Variants in NUP210 observed in about 807,000 individuals in gnomAD.
The protein encoded by NUP210 is nuclear pore membrane glycoprotein 210.
Under a neutral mutation model 196.0 loss-of-function variants are expected in NUP210, and 151 were observed. That is an observed-to-expected ratio of 0.77 (90% CI 0.67 to 0.88). The LOEUF is 0.88. Ranked by LOEUF, NUP210 falls within the 40% of genes least tolerant of loss-of-function variation. The probability of loss-of-function intolerance (pLI) is 0.00; values close to 1 mark genes in which losing one functional copy is unlikely to be tolerated. For synonymous variants in NUP210, 1,070 were observed against 1,052.7 expected, an observed-to-expected ratio of 1.02 and a Z score of -0.32; for missense variants, 2,314 against 2,493.7, an observed-to-expected ratio of 0.93 and a Z score of 1.53.
intron 3 of NUP210, among the ~76,000 whole-genome samples, chr3:13,394,358 A>T (rs543728694): frequency 6.6e-6 from 1 of 152,344 alleles, no homozygotes; most frequent in African/African-American, 2.4e-5. Context: ...TGCTTTTTCC[A>T]CGCAAAAAGA....
intron 1 of NUP210, among the ~76,000 whole-genome samples, chr3:13,411,558 C>T (rs1015580610): frequency 1.3e-5 from 2 of 152,048 alleles, no homozygotes; most frequent in African/African-American, 4.8e-5. Flanking sequence ...TCCCCCCTGT[C>T]ACCACCCCCA....
intron 18 of NUP210, 139 bp from the exon 19 acceptor site, chr3:13,352,323 CCA>C (rs1698007626): frequency 1.6e-6 from 1 of 629,304 alleles, no homozygotes. Flanking sequence ...AGCAGAATGG[CCA>C]CAGACCCTTT....
chr3:13,388,860 A>C (rs1699374868), intron 4 of NUP210, among the ~76,000 whole-genome samples: 2 of 152,294 alleles, frequency 1.3e-5, no homozygotes, highest in Admixed American at 6.5e-5. Flanking sequence ...CACCTCCCCG[A>C]GGCTGCCTGC....
At chr3:13,388,109 C>T (rs1232177552) in intron 5 of NUP210, among the ~76,000 whole-genome samples, 194 bp downstream of exon 5, 1 of 152,176 alleles carries the variant, frequency 6.6e-6, no homozygotes, top group Admixed American at 6.5e-5. Flanking sequence ...CCTCAACCAC[C>T]TTTCTTTGTA....
intron 16 of NUP210, among the ~76,000 whole-genome samples, chr3:13,355,064 C>A (rs1337039411): frequency 6.6e-6 from 1 of 152,216 alleles, no homozygotes; most frequent in Non-Finnish European, 1.5e-5. Context: ...AGTGCCCAGG[C>A]AAGTTATGAA....
At chr3:13,390,023 A>G (rs1699434728) in intron 4 of NUP210, among the ~76,000 whole-genome samples, 1 of 152,234 alleles carries the variant, frequency 6.6e-6, no homozygotes. Context: ...TAAGAGAAAC[A>G]GGACACATGC....
rs1047311829 is a variant in NUP210, at chr3:13,352,110, C to G, written c.2703G>C (p.Glu901Asp). 2.5e-6 allele frequency: 4 copies of G among 1,613,966 alleles called. No individual in the cohort carries two copies. In the African/African-American group the frequency reaches 4.0e-5, roughly 16 times the overall value. ...LVEDVRVSPE[E>D]VTIYNHPGIQ... The stretch of plus-strand genomic sequence containing the variant: ...TGCCAGGGTGGTTGTAGATGGTCAC[C>G]TCTTCTGGGCTCACCCTCACGTCCT... Residue 901 changes from glutamate (E) to aspartate (D), a missense_variant, in exon 19 of 40, where the codon GAG becomes GAC. By Grantham distance (45) the Glu-to-Asp change is conservative. Coordinates refer to ENST00000254508, the MANE Select transcript of NUP210 (RefSeq NM_024923.4).
chr3:13,419,864 G>C (rs1333676680), intron 1 of NUP210, among the ~76,000 whole-genome samples, 196 bp downstream of exon 1: 1 of 151,726 alleles, frequency 6.6e-6, no homozygotes, highest in African/African-American at 2.4e-5. Context: ...GCGGCGCGGA[G>C]GCCCGGACGG....
rs1433399127 is a variant in NUP210 at position 13,317,615 on chromosome 3, G to T, written c.*66C>A. 2 of 1,174,404 alleles carry T rather than the reference G, an allele frequency of 1.7e-6. No individual in the cohort carries two copies. Among genetic ancestry groups the T allele is most frequent in the African/African-American group, 1.5e-5 (1 of 65,888 alleles). The allele number at this position is 1,174,404 out of a possible 1,614,324, so 72.7% of individuals were successfully genotyped here. On this transcript the variant is annotated 3_prime_UTR_variant, in exon 40 of 40. Coordinates refer to ENST00000254508, the MANE Select transcript of NUP210 (RefSeq NM_024923.4). ...GCTTGTTCCAGTGTGAATGCAGCAG[G>T]GATGTTCCATCTTGGGGGTGCACGA...
intron 1 of NUP210, among the ~76,000 whole-genome samples, chr3:13,409,340 A>G (rs569353126): frequency 3.3e-5 from 5 of 152,288 alleles, no homozygotes; most frequent in South Asian, 2.1e-4. Flanking sequence ...CTGAGCCCTC[A>G]TGGATGGACT....
At chr3:13,332,561 G>C (rs914471304) in intron 28 of NUP210, among the ~76,000 whole-genome samples, 177 bp from the exon 29 acceptor site, 18 of 151,730 alleles carry the variant, frequency 1.2e-4, no homozygotes, top group African/African-American at 4.1e-4. Context: ...AGAGGCCAAA[G>C]GTGTGGCCGG....
rs1453705888 is a variant in NUP210, at chr3:13,358,329, C to T, written c.2221G>A (p.Val741Met). ...GGTGGGGCGCAGACGAACTTCACCA[C>T]GGCAGGCTCCACCGCAGGAAAGGGG... ...TNPFPAVEPA[V>M]VKFVCAPPSR... The change falls in exon 16 of 40, where the codon GTG (valine) becomes ATG (methionine). Residue 741 changes from valine (V) to methionine (M), a missense_variant. Physicochemically the swap from Val to Met is conservative, Grantham distance 21. Transcript: ENST00000254508. 13 of 1,613,766 alleles carry T rather than the reference C, an allele frequency of 8.1e-6. No individual in the cohort carries two copies. The highest frequency in any genetic ancestry group is 1.6e-4 in the Middle Eastern group (1 of 6,082).
At chr3:13,370,190 C>A (rs891375270) in intron 13 of NUP210, among the ~76,000 whole-genome samples, 3 of 151,128 alleles carry the variant, frequency 2.0e-5, no homozygotes, top group Non-Finnish European at 4.4e-5. Context: ...CTGGGCCCTA[C>A]ACACCTCCCT....
intron 6 of NUP210, among the ~76,000 whole-genome samples, chr3:13,382,083 T>C (rs1180243676): frequency 2.0e-5 from 3 of 152,254 alleles, no homozygotes; most frequent in African/African-American, 7.2e-5. Flanking sequence ...CCAACACATG[T>C]GCATGCTATT....
At chr3:13,383,701 G>A (rs1345111149) in intron 6 of NUP210, among the ~76,000 whole-genome samples, 1 of 151,508 alleles carries the variant, frequency 6.6e-6, no homozygotes, top group East Asian at 1.9e-4. Flanking sequence ...ATTTTTTTCT[G>A]TATTTTTAGT....
chr3:13,391,614 A>G (rs1298238306), intron 3 of NUP210, among the ~76,000 whole-genome samples: 2 of 149,802 alleles, frequency 1.3e-5, no homozygotes, highest in Non-Finnish European at 3.0e-5. Flanking sequence ...GCAGTGCATA[A>G]CACTGCTGCC....
At chr3:13,334,587 C>G (rs1270429563) in intron 28 of NUP210, among the ~76,000 whole-genome samples, 1 of 152,234 alleles carries the variant, frequency 6.6e-6, no homozygotes, top group South Asian at 2.1e-4. Context: ...GAAACTGTTT[C>G]TTTTCTTGGG....
At chr3:13,325,475 G>A (rs904972466) in intron 33 of NUP210, among the ~76,000 whole-genome samples, 1 of 152,158 alleles carries the variant, frequency 6.6e-6, no homozygotes, top group African/African-American at 2.4e-5. Context: ...AGCCTTGCAG[G>A]TGACAGGGAA....
chr3:13,358,848 C>A (rs1698275974), intron 15 of NUP210, among the ~76,000 whole-genome samples: 1 of 152,240 alleles, frequency 6.6e-6, no homozygotes, highest in African/African-American at 2.4e-5. Flanking sequence ...CTCTGCAGGA[C>A]AACGCCCAGG....
Sources: allele counts gnomAD v4.1 joint callset (sites outside exome capture counted in the v4.1 genomes callset), GRCh38; gene constraint gnomAD v4.1.1; transcripts MANE v1.5; gene names NCBI Gene and HGNC (gene_info 2026-07-23, HGNC 2026-07-21).